BTBD16: variants seen among roughly 807,000 people sequenced by gnomAD.
BTBD16 encodes the protein BTB/POZ domain-containing protein 16.
A neutral mutation model predicts 67.4 loss-of-function variants in BTBD16; 66 were observed. The ratio of observed to expected loss-of-function variants is 0.98; its 90% confidence interval spans 0.80 to 1.20. BTBD16 has a LOEUF of 1.20. Among genes scored for constraint, BTBD16 ranks in the 50% most tolerant of loss-of-function variants. BTBD16 has a pLI of 0.00. For synonymous variants in BTBD16, 242 were observed against 236.4 expected (o/e 1.02, Z -0.22); for missense variants, 634 against 616.0 (o/e 1.03, Z -0.31).
intron 10 of BTBD16, among the ~76,000 whole-genome samples, chr10:122,310,653 C>G (rs2096412163): frequency 6.6e-6 from 1 of 152,260 alleles, no homozygotes; most frequent in South Asian, 2.1e-4. Flanking sequence ...AGACAGTAAA[C>G]AGGCTCGGAA....
intron 7 of BTBD16, among the ~76,000 whole-genome samples, chr10:122,293,535 T>C (rs574420757): frequency 5.9e-5 from 9 of 152,162 alleles, no homozygotes; most frequent in Admixed American, 5.9e-4. Flanking sequence ...TAGGTGGCCG[T>C]GGTAGATGGG....
chr10:122,306,960 G>C (rs375690004), intron 9 of BTBD16, among the ~76,000 whole-genome samples: 21 of 152,240 alleles, frequency 1.4e-4, no homozygotes, highest in African/African-American at 4.8e-4. Context: ...ACAGAGGGTG[G>C]GTGAAAACAC....
At chr10:122,283,794 G>A (rs2096357744) in intron 3 of BTBD16, 57 bp from the exon 4 acceptor site, 4 of 1,326,654 alleles carry the variant, frequency 3.0e-6, no homozygotes, top group South Asian at 2.4e-5. Flanking sequence ...GCATGTTGTA[G>A]TTGGAGAAAA....
At chr10:122,284,554 G>C (rs1179456550) in intron 4 of BTBD16, among the ~76,000 whole-genome samples, 2 of 152,070 alleles carry the variant, frequency 1.3e-5, no homozygotes, top group African/African-American at 4.8e-5. Context: ...TGACTTGGAC[G>C]TTCACAGCTG....
intron 7 of BTBD16, among the ~76,000 whole-genome samples, chr10:122,293,748 G>C (rs1319343291): frequency 1.3e-5 from 2 of 152,186 alleles, no homozygotes; most frequent in African/African-American, 4.8e-5. Context: ...TTTCGACAGA[G>C]TATTTCTGAG....
chr10:122,289,574 A>T (rs573198448), intron 5 of BTBD16, among the ~76,000 whole-genome samples: 1 of 152,194 alleles, frequency 6.6e-6, no homozygotes, highest in East Asian at 1.9e-4. Context: ...CTCCATTTCT[A>T]CTAAAAATGT....
At chr10:122,300,533 T>C (rs1486799832) in intron 9 of BTBD16, among the ~76,000 whole-genome samples, 1 of 152,176 alleles carries the variant, frequency 6.6e-6, no homozygotes, top group Non-Finnish European at 1.5e-5. Context: ...TTTATTAAGT[T>C]CCTTTACTCC....
Position 122,330,883 on chromosome 10 carries a change from C to T in BTBD16, c.1004-293C>T, listed in dbSNP as rs144373790. On this transcript the variant is annotated intron_variant, in intron 11 of 15. Transcript: ENST00000260723. ...AGCTGGGATTAAAGATGTGCACCAC[C>T]ACGCGCAGCTAGTTTTAGTAGTGGT... 3.3e-5 allele frequency among the ~76,000 whole-genome samples: 5 copies of T among 152,336 alleles called. No individual in the cohort carries two copies. The East Asian group carries it at 9.6e-4, about 29-fold the overall frequency.
chr10:122,272,678 TACACACACAC>T (rs112265160), intron 1 of BTBD16, among the ~76,000 whole-genome samples: 1 of 147,588 alleles, frequency 6.8e-6, no homozygotes, highest in Non-Finnish European at 1.5e-5. Flanking sequence ...GCAAAGGAAA[TACACACACAC>T]ACACACACAC....
chr10:122,333,098 C>T (rs2096457795), intron 13 of BTBD16: 1 of 363,338 alleles, frequency 2.8e-6, no homozygotes, highest in Admixed American at 6.5e-5. Context: ...CAGTGATCTC[C>T]TTTGATTATT....
rs566749339 is a variant in BTBD16, at chr10:122,278,216, C to T, written c.167+1277C>T. On this transcript the variant is annotated intron_variant, in intron 3 of 15. Coordinates refer to ENST00000260723, the MANE Select transcript of BTBD16 (RefSeq NM_144587.5). Reference sequence around the variant, plus strand: ...GCAAGAACTAAATCTCTGTGAGTCACTGAGCTAAACTGGAGGCAGTGGCCT... The same window carrying T: ...GCAAGAACTAAATCTCTGTGAGTCATTGAGCTAAACTGGAGGCAGTGGCCT... Among the ~76,000 whole-genome samples the T allele has an allele frequency of 5.3e-5, 8 of 152,226 alleles. No homozygotes were observed. In the South Asian group the frequency reaches 1.7e-3, roughly 32 times the overall value.
At chr10:122,310,585 G>A (rs1225170009) in intron 10 of BTBD16, among the ~76,000 whole-genome samples, 5 of 152,198 alleles carry the variant, frequency 3.3e-5, no homozygotes, top group African/African-American at 9.7e-5. Flanking sequence ...TCCAGTGGTC[G>A]CTGACAGGGA....
chr10:122,283,768 T>C (rs1484953065), intron 3 of BTBD16, 83 bp from the exon 4 acceptor site: 22 of 1,075,704 alleles, frequency 2.0e-5, no homozygotes, highest in Non-Finnish European at 3.1e-5. Context: ...TTTAAGGACA[T>C]TTATGCTAGA....
chr10:122,328,566 G>A (rs557516135), intron 10 of BTBD16, among the ~76,000 whole-genome samples: 1 of 152,192 alleles, frequency 6.6e-6, no homozygotes, highest in Admixed American at 6.5e-5. Context: ...GGCCAGTGGT[G>A]CCCTCTGTCC....
chr10:122,327,304 C>A (rs2096446801), intron 10 of BTBD16, among the ~76,000 whole-genome samples: 1 of 152,206 alleles, frequency 6.6e-6, no homozygotes, highest in Non-Finnish European at 1.5e-5. Flanking sequence ...CCACCAGGAA[C>A]AATTGCCTGC....
intron 7 of BTBD16, 151 bp from the exon 8 acceptor site, chr10:122,297,617 C>A (rs2142076964): frequency 1.3e-6 from 1 of 756,870 alleles, no homozygotes; most frequent in Non-Finnish European, 2.2e-6. Flanking sequence ...TTGGTCTTGT[C>A]CTCTGGCCAA....
At chr10:122,299,210 G>A in intron 9 of BTBD16, 76 bp downstream of exon 9, 1 of 1,537,682 alleles carries the variant, frequency 6.5e-7, no homozygotes, top group Non-Finnish European at 8.8e-7. Flanking sequence ...GGAGGGAGGT[G>A]CTCTGATGGA....
chr10:122,280,510 G>A (rs1021890792), intron 3 of BTBD16, among the ~76,000 whole-genome samples: 1 of 152,014 alleles, frequency 6.6e-6, no homozygotes, highest in Non-Finnish European at 1.5e-5. Flanking sequence ...AAGGGTGGGA[G>A]GAGGTCATGC....
intron 10 of BTBD16, among the ~76,000 whole-genome samples, chr10:122,312,463 C>T (rs554240536): frequency 6.6e-6 from 1 of 151,942 alleles, no homozygotes. Context: ...TAGGCATACG[C>T]CACCACACCC....
Sources: gnomAD v4.1 joint callset for allele counts (sites outside exome capture counted in the v4.1 genomes callset) on GRCh38, gnomAD v4.1.1 for gene constraint, MANE v1.5 for transcripts, NCBI Gene and HGNC (gene_info 2026-07-23, HGNC 2026-07-21) for gene names.